POLE2: variants seen among roughly 807,000 people sequenced by gnomAD.
The protein encoded by POLE2 is DNA polymerase epsilon subunit 2.
A neutral mutation model predicts 79.4 loss-of-function variants in POLE2; 56 were observed. That is an observed-to-expected ratio of 0.71 (90% confidence interval 0.57 to 0.88). The LOEUF (loss-of-function observed/expected upper bound fraction) is 0.88, where lower values mean the gene tolerates loss of function less well. POLE2 is among the 40% of genes least tolerant of loss of function. The pLI is 0.00. For synonymous variants in POLE2, 212 were observed against 214.0 expected, an observed-to-expected ratio of 0.99 and a Z score of 0.08; for missense variants, 598 against 638.9, an observed-to-expected ratio of 0.94 and a Z score of 0.69.
At chr14:49,649,178 G>A (rs1333257375) in intron 17 of POLE2, among the ~76,000 whole-genome samples, 5 of 113,340 alleles carry the variant, frequency 4.4e-5, no homozygotes, top group Admixed American at 1.4e-4. Context: ...ACGCAGTCTC[G>A]CTCAGCTGCC....
At chr14:49,652,470 G>A (rs1043600649) in intron 15 of POLE2, among the ~76,000 whole-genome samples, 1 of 152,060 alleles carries the variant, frequency 6.6e-6, no homozygotes, top group Admixed American at 6.5e-5. Flanking sequence ...CACAGCAGGA[G>A]GTGAGCAGCA....
intron 1 of POLE2, among the ~76,000 whole-genome samples, chr14:49,685,848 C>G (rs1472597067): frequency 6.6e-6 from 1 of 151,688 alleles, no homozygotes; most frequent in Non-Finnish European, 1.5e-5. Context: ...AGGCCGGTCT[C>G]GAATTCCTGA....
Position 49,679,777 on chromosome 14 carries a change from A to T in POLE2, c.193T>A (p.Ser65Thr). 1 of 1,602,980 alleles carries T rather than the reference A, an allele frequency of 6.2e-7. No individual in the cohort carries two copies. The highest frequency in any genetic ancestry group is 8.5e-7 in the Non-Finnish European group (1 of 1,170,406). Reference protein sequence around the residue: ...QPLSSNMIERSVVEAAVQECS... With the variant: ...QPLSSNMIERTVVEAAVQECS... ...TCCTGGACTGCTGCTTCCACCACAG[A>T]TCGTTCAATCATGTTTGATGACACT... Residue 65 changes from serine to threonine, a missense_variant, in exon 3 of 19, where the codon TCT becomes ACT. Ser to Thr is a moderately conservative substitution (Grantham distance 58). Transcript: ENST00000216367.
At chr14:49,646,193 A>G (rs182344121) in intron 18 of POLE2, among the ~76,000 whole-genome samples, 84 of 152,074 alleles carry the variant, frequency 5.5e-4, no homozygotes, top group Non-Finnish European at 8.1e-4. Context: ...ATTTTAAATA[A>G]ATATGTTAAT....
chr14:49,664,664 C>CT lies in POLE2; in HGVS notation c.643dup (p.Ser215LysfsTer17). 6.3e-7 allele frequency: 1 copy of CT among 1,589,788 alleles called. No individual in the cohort carries two copies. The highest frequency in any genetic ancestry group is 2.2e-5 in the East Asian group (1 of 44,660). ...AAAGCATGCCTCTGTGTATAAACCACTATGGAACTGGTACACAACAGTTGA... is the reference window on the plus strand; with the variant it reads ...AAAGCATGCCTCTGTGTATAAACCACTTATGGAACTGGTACACAACAGTTGA... On this transcript the variant is annotated frameshift_variant, in exon 9 of 19. Transcript: ENST00000216367. LOFTEE classifies it high-confidence loss of function.
intron 5 of POLE2, 103 bp from the exon 6 acceptor site, chr14:49,669,701 C>A: frequency 3.2e-6 from 2 of 629,418 alleles, no homozygotes; most frequent in Non-Finnish European, 5.7e-6. Context: ...ACTAATGTCA[C>A]TATTACTTAT....
intron 17 of POLE2, among the ~76,000 whole-genome samples, chr14:49,649,740 T>C (rs4898628): frequency 0.23 from 34,696 of 152,096 alleles, 4,256 homozygotes; most frequent in Admixed American, 0.3. Context: ...TGAGCCACCA[T>C]ACCTGGCCTA....
intron 5 of POLE2, among the ~76,000 whole-genome samples, chr14:49,673,740 G>A (rs45477094): frequency 0.018 from 2,728 of 152,176 alleles, 39 homozygotes; most frequent in African/African-American, 0.031. Flanking sequence ...TACTATATAC[G>A]ATCTATGGGC....
intron 17 of POLE2, among the ~76,000 whole-genome samples, chr14:49,649,591 A>G (rs1159222792): frequency 6.6e-6 from 1 of 151,760 alleles, no homozygotes; most frequent in African/African-American, 2.4e-5. Context: ...GTGGGATTAC[A>G]GGCGCGCACC....
intron 17 of POLE2, among the ~76,000 whole-genome samples, chr14:49,648,497 A>G (rs1428058477): frequency 2.0e-5 from 3 of 152,266 alleles, no homozygotes; most frequent in Non-Finnish European, 4.4e-5. Flanking sequence ...AGACTATTTC[A>G]ATGTGAATAA....
At position 49,655,214 on chromosome 14, in the gene POLE2, CTT is replaced by C. The variant is rs557158866; in HGVS notation, c.929-122_929-121del. On this transcript the variant is annotated intron_variant, in intron 11 of 18. Coordinates refer to ENST00000216367, the MANE Select transcript of POLE2 (RefSeq NM_002692.4). ...TTTAATTAAAATAACATTTTAATAA[CTT>C]ATTAAAATAATACTAATAACAGTAG... The C allele has an allele frequency of 2.9e-5, 10 of 339,526 alleles. No individual in the cohort carries two copies. In the South Asian group the frequency reaches 4.3e-4, roughly 15 times the overall value. 21.0% of individuals were successfully genotyped at this position (339,526 alleles called of 1,614,324 possible). A position where few individuals can be genotyped will look rare whatever the true frequency, so the allele number is the denominator to read the frequency against.
intron 10 of POLE2, among the ~76,000 whole-genome samples, chr14:49,660,857 C>T (rs985867626): frequency 6.6e-6 from 1 of 152,228 alleles, no homozygotes; most frequent in African/African-American, 2.4e-5. Flanking sequence ...TGCCATTGCA[C>T]TCCAGCCTGG....
At chr14:49,660,905 G>A (rs1052527116) in intron 10 of POLE2, among the ~76,000 whole-genome samples, 2 of 152,112 alleles carry the variant, frequency 1.3e-5, no homozygotes, top group African/African-American at 4.8e-5. Context: ...AAAAGTTTGT[G>A]ACCATGGACA....
chr14:49,669,961 T>A (rs1885756428), intron 5 of POLE2, among the ~76,000 whole-genome samples: 1 of 152,060 alleles, frequency 6.6e-6, no homozygotes. Context: ...AAGGGGCCAC[T>A]GAACAACAGC....
chr14:49,645,826 C>G (rs1167885947), intron 18 of POLE2, among the ~76,000 whole-genome samples: 1 of 152,168 alleles, frequency 6.6e-6, no homozygotes, highest in Admixed American at 6.5e-5. Flanking sequence ...AGAGAACAGG[C>G]CTTGCCATGT....
Position 49,643,610 on chromosome 14 carries a change from G to A in POLE2, c.*42C>T. Reference sequence around the variant, plus strand: ...AGAATCACATAAGATATAGAGTTAAGCAGAAAACTGATGAATTTTCTTCAG... The same window carrying A: ...AGAATCACATAAGATATAGAGTTAAACAGAAAACTGATGAATTTTCTTCAG... On this transcript the variant is annotated 3_prime_UTR_variant, in exon 19 of 19. Transcript: ENST00000216367. 1 of 1,118,848 alleles carries A rather than the reference G, an allele frequency of 8.9e-7. No individual in the cohort carries two copies. The highest frequency in any genetic ancestry group is 1.3e-6 in the Non-Finnish European group (1 of 756,912). The allele number at this position is 1,118,848 out of a possible 1,614,324, so 69.3% of individuals were successfully genotyped here.
At chr14:49,685,529 C>A (rs903796897) in intron 1 of POLE2, among the ~76,000 whole-genome samples, 1 of 152,142 alleles carries the variant, frequency 6.6e-6, no homozygotes, top group East Asian at 1.9e-4. Context: ...ATGTCCCTGG[C>A]CTTCCTGGCA....
At chr14:49,657,700 G>A (rs1884796144) in intron 10 of POLE2, among the ~76,000 whole-genome samples, 2 of 152,042 alleles carry the variant, frequency 1.3e-5, no homozygotes, top group Admixed American at 6.6e-5. Context: ...TCGCCCTTCC[G>A]AAGTGCTGGG....
At chr14:49,671,467 A>T (rs1885884778) in intron 5 of POLE2, among the ~76,000 whole-genome samples, 1 of 152,018 alleles carries the variant, frequency 6.6e-6, no homozygotes, top group Non-Finnish European at 1.5e-5. Context: ...AATACAAAAA[A>T]TTAGCCAGGC....
Sources: allele counts gnomAD v4.1 joint callset (sites outside exome capture counted in the v4.1 genomes callset), GRCh38; gene constraint gnomAD v4.1.1; transcripts MANE v1.5; gene names NCBI Gene and HGNC (gene_info 2026-07-23, HGNC 2026-07-21).